GOLGA8B: variants seen among roughly 807,000 people sequenced by gnomAD.
GOLGA8B encodes the protein golgin subfamily A member 8B.
A neutral mutation model predicts 15.6 loss-of-function variants in GOLGA8B; 1 was observed. The ratio of observed to expected loss-of-function variants is 0.06; its 90% CI spans 0.02 to 0.30. The LOEUF (loss-of-function observed/expected upper bound fraction) is 0.30, where lower values mean the gene tolerates loss of function less well. Ranked by LOEUF, GOLGA8B falls within the 10% of genes least tolerant of loss-of-function variation. The pLI is 1.00. For missense variants in GOLGA8B, 17 were observed against 201.3 expected, an observed-to-expected ratio of 0.08 and a Z score of 5.54; for synonymous variants, 9 against 80.3, an observed-to-expected ratio of 0.11 and a Z score of 4.75.
At chr15:34,580,948 G>C (rs1566937482) in intron 1 of GOLGA8B, among the ~76,000 whole-genome samples, 1 of 152,204 alleles carries the variant, frequency 6.6e-6, no homozygotes, top group South Asian at 2.1e-4. Flanking sequence ...ACTGGGTTGA[G>C]GACACACAGC....
At chr15:34,571,303 A>C (rs1678182168) in intron 1 of GOLGA8B, among the ~76,000 whole-genome samples, 1 of 152,200 alleles carries the variant, frequency 6.6e-6, no homozygotes, top group Non-Finnish European at 1.5e-5. Context: ...ACAAAGTAAG[A>C]CAGTCTCAAA....
Position 34,545,401 on chromosome 15 carries a change from G to A in GOLGA8B, c.-501C>T, listed in dbSNP as rs570039705. On this transcript the variant is annotated 5_prime_UTR_variant, in exon 6 of 24. In the 5' UTR this introduces an upstream ATG that the reference lacks. Transcript: ENST00000683415. ...ACCTGTTTTGTGAGAAGTTCAGTAC[G>A]TAATGCTCCTCCACACAATACATAC... 6.7e-5 allele frequency: 10 copies of A among 150,376 alleles called. 1 individual carries two copies. The highest frequency in any genetic ancestry group is 3.1e-4 in the East Asian group (2 of 6,372). 9.3% of individuals were successfully genotyped at this position (150,376 alleles called of 1,614,324 possible). A position where few individuals can be genotyped will look rare whatever the true frequency, so the allele number is the denominator to read the frequency against.
At chr15:34,564,845 A>G (rs1888717549) in intron 1 of GOLGA8B, among the ~76,000 whole-genome samples, 1 of 144,238 alleles carries the variant, frequency 6.9e-6, no homozygotes, top group Non-Finnish European at 1.6e-5. Flanking sequence ...GTGTCATGCC[A>G]TGGAGTCTGG....
intron 1 of GOLGA8B, among the ~76,000 whole-genome samples, chr15:34,577,095 CAGTTCCT>C (rs1889103911): frequency 6.6e-6 from 1 of 151,768 alleles, no homozygotes. Flanking sequence ...CCAGAGCTTC[CAGTTCCT>C]AACACATGCC....
chr15:34,572,915 CAG>C (rs1433233274), intron 1 of GOLGA8B, among the ~76,000 whole-genome samples: 2 of 152,120 alleles, frequency 1.3e-5, no homozygotes, highest in African/African-American at 4.8e-5. Context: ...CTTTCTTCTC[CAG>C]AGATACAAGA....
intron 1 of GOLGA8B, among the ~76,000 whole-genome samples, chr15:34,578,590 C>T (rs1889144574): frequency 6.6e-6 from 1 of 152,212 alleles, no homozygotes; most frequent in Non-Finnish European, 1.5e-5. Flanking sequence ...CTACCTGTCC[C>T]CAGCCTCCTC....
intron 1 of GOLGA8B, among the ~76,000 whole-genome samples, chr15:34,575,949 C>T (rs958666370): frequency 6.6e-6 from 1 of 152,192 alleles, no homozygotes; most frequent in Admixed American, 6.5e-5. Context: ...GGACAGTGCT[C>T]CAGGCAAAGG....
chr15:34,526,324 T>C lies in GOLGA8B; in HGVS notation c.*1308A>G, dbSNP rs552951969. The stretch of plus-strand genomic sequence containing the variant: ...TACTGTCTACTAAAATTCCTTTTTG[T>C]TTCAACTAAGTACTCTCACATATAT... On this transcript the variant is annotated 3_prime_UTR_variant, in exon 24 of 24. Coordinates refer to ENST00000683415, the MANE Select transcript of GOLGA8B (RefSeq NM_001023567.5). 1 of 149,930 alleles carries C rather than the reference T, an allele frequency of 6.7e-6. No homozygotes were observed. The highest frequency in any genetic ancestry group is 2.0e-4 in the East Asian group (1 of 5,108). 9.3% of individuals were successfully genotyped at this position (149,930 alleles called of 1,614,324 possible). A position where few individuals can be genotyped will look rare whatever the true frequency, so the allele number is the denominator to read the frequency against.
At chr15:34,568,130 A>C (rs551141501) in intron 1 of GOLGA8B, among the ~76,000 whole-genome samples, 2 of 150,206 alleles carry the variant, frequency 1.3e-5, no homozygotes, top group African/African-American at 4.9e-5. Context: ...ACCCGGCAAC[A>C]TGCAGAACCA....
At chr15:34,582,298 G>A (rs539481140) in intron 1 of GOLGA8B, among the ~76,000 whole-genome samples, 3 of 152,284 alleles carry the variant, frequency 2.0e-5, no homozygotes, top group African/African-American at 7.2e-5. Context: ...CTGCCAACCT[G>A]AACCTTAGGA....
chr15:34,578,110 A>G (rs1889132281), intron 1 of GOLGA8B, among the ~76,000 whole-genome samples: 1 of 152,134 alleles, frequency 6.6e-6, no homozygotes, highest in Non-Finnish European at 1.5e-5. Flanking sequence ...CTGACTCACT[A>G]TTTACTAGTA....
chr15:34,569,519 A>T (rs3866560), intron 1 of GOLGA8B, among the ~76,000 whole-genome samples: 27,172 of 117,968 alleles, frequency 0.23, 1,130 homozygotes, highest in Admixed American at 0.36. Flanking sequence ...AGAGGCTGAA[A>T]TCCTGGCAAC....
intron 1 of GOLGA8B, among the ~76,000 whole-genome samples, chr15:34,566,992 A>G (rs1410221598): frequency 8.6e-6 from 1 of 116,680 alleles, no homozygotes; most frequent in African/African-American, 3.4e-5. Context: ...CCCGGTTTTC[A>G]GCATCACATG....
chr15:34,564,310 C>G (rs956511760), intron 1 of GOLGA8B, among the ~76,000 whole-genome samples: 2 of 138,734 alleles, frequency 1.4e-5, no homozygotes, highest in Non-Finnish European at 3.1e-5. Context: ...GTGTTGGTCT[C>G]CAGATTTCCC....
rs145229680 is a variant in GOLGA8B, at chr15:34,572,921, T to C, written c.-1123+10595A>G. 2.4e-4 allele frequency among the ~76,000 whole-genome samples: 36 copies of C among 152,234 alleles called. 2 individuals carry two copies. In the East Asian group the frequency reaches 6.9e-3, roughly 29 times the overall value. On this transcript the variant is annotated intron_variant, in intron 1 of 23. Coordinates refer to ENST00000683415, the MANE Select transcript of GOLGA8B (RefSeq NM_001023567.5). ...AAATGGCAGCTTTCTTCTCCAGAGA[T>C]ACAAGATAATTGCGAGAAGGCAAAA... is the stretch of plus-strand genomic sequence containing the variant.
At chr15:34,574,117 C>A (rs983084383) in intron 1 of GOLGA8B, among the ~76,000 whole-genome samples, 3 of 152,136 alleles carry the variant, frequency 2.0e-5, no homozygotes, top group Non-Finnish European at 4.4e-5. Context: ...ACCATCCCCA[C>A]TCCCACTGCC....
intron 1 of GOLGA8B, among the ~76,000 whole-genome samples, chr15:34,573,741 C>G (rs1230215095): frequency 1.3e-5 from 2 of 151,972 alleles, no homozygotes; most frequent in Non-Finnish European, 2.9e-5. Context: ...GCAAATCCAC[C>G]TACTGCTCTG....
chr15:34,562,662 T>G (rs1885431632), intron 1 of GOLGA8B, among the ~76,000 whole-genome samples: 1 of 128,942 alleles, frequency 7.8e-6, no homozygotes, highest in South Asian at 2.4e-4. Context: ...CTATTCTATG[T>G]TGCTCATCAT....
intron 1 of GOLGA8B, among the ~76,000 whole-genome samples, chr15:34,581,134 A>C (rs566977491): frequency 6.6e-6 from 1 of 152,194 alleles, no homozygotes; most frequent in Non-Finnish European, 1.5e-5. Context: ...TGGACAGTAA[A>C]GGTTTCTCCA....
Sources: gnomAD v4.1 joint callset for allele counts (sites outside exome capture counted in the v4.1 genomes callset) on GRCh38, gnomAD v4.1.1 for gene constraint, MANE v1.5 for transcripts, NCBI Gene and HGNC (gene_info 2026-07-23, HGNC 2026-07-21) for gene names.